The following NEFL variants were observed in gnomAD, a reference collection of about 807,000 sequenced individuals.
NEFL encodes the protein neurofilament light polypeptide.
Under a neutral mutation model 51.6 loss-of-function variants are expected in NEFL, and 36 were observed. That is an observed-to-expected ratio of 0.70 (90% CI 0.53 to 0.92). NEFL has a LOEUF of 0.92. Among genes scored for constraint, NEFL ranks in the 40% least tolerant of loss-of-function variants. The probability of loss-of-function intolerance (pLI) is 0.00; values close to 1 mark genes in which losing one functional copy is unlikely to be tolerated. For missense variants in NEFL, 671 were observed against 722.0 expected, an observed-to-expected ratio of 0.93 and a Z score of 0.81; for synonymous variants, 332 against 302.5, an observed-to-expected ratio of 1.10 and a Z score of -1.01.
In NEFL at chr8:24,953,569, C is replaced by A; in HGVS notation, c.1396G>T (p.Ala466Ser). The change falls in exon 3 of 4, where the codon GCC (alanine) becomes TCC (serine). Residue 466 changes from alanine to serine, a missense_variant. By Grantham distance (99) the Ala-to-Ser change is moderately conservative (BLOSUM62 1). Coordinates refer to ENST00000610854, the MANE Select transcript of NEFL (RefSeq NM_006158.5). ...ETIEAAKAEE[A>S]KDEPPSEGEA... The stretch of plus-strand genomic sequence containing the variant: ...CCTTCAGAGGGGGGCTCATCCTTGG[C>A]TTCCTCAGCCTTGGCAGCCTCAATG... The A allele has an allele frequency of 6.2e-7, 1 of 1,613,996 alleles. No homozygotes were observed. The highest frequency in any genetic ancestry group is 1.1e-5 in the South Asian group (1 of 91,070).
chr8:24,954,743 A>G (rs1298382280), intron 1 of NEFL, among the ~76,000 whole-genome samples: 1 of 152,100 alleles, frequency 6.6e-6, no homozygotes, highest in East Asian at 1.9e-4. Context: ...AATATTTCCT[A>G]TGTATCTAAA....
chr8:24,956,560 C>A lies in NEFL; in HGVS notation c.-45G>T. ...CCGGCCCGCGGCGGCGGTGGGAGCC[C>A]GGAGAGAGAGGACAGGGGAGAGAGG... On this transcript the variant is annotated 5_prime_UTR_variant, in exon 1 of 4. Transcript: ENST00000610854. The surrounding 1 kb of genome is among the most constrained non-coding windows in gnomAD (Gnocchi z 5.9). 6.5e-7 allele frequency: 1 copy of A among 1,533,476 alleles called. No homozygotes were observed. 95.0% of individuals were successfully genotyped at this position (1,533,476 alleles called of 1,614,324 possible). A position where few individuals can be genotyped will look rare whatever the true frequency, so the allele number is the denominator to read the frequency against.
At position 24,955,876 on chromosome 8, in the gene NEFL, C is replaced by T; in HGVS notation, c.640G>A (p.Asp214Asn). The change falls in exon 1 of 4, where the codon GAC (aspartate) becomes AAC (asparagine). Residue 214 changes from aspartate to asparagine, a missense_variant. Transcript: ENST00000610854. The surrounding 1 kb of genome is among the most constrained non-coding windows in gnomAD (Gnocchi z 4.0). The part of the protein sequence containing the change: ...LARAELEKRI[D>N]SLMDEISFLK... ...AAAGAGATTTCGTCCATCAAGCTGT[C>T]GATGCGCTTCTCGAGCTCGGCGCGA... 1 of 1,607,938 alleles carries T rather than the reference C, an allele frequency of 6.2e-7. No individual in the cohort carries two copies. The highest frequency in any genetic ancestry group is 8.5e-7 in the Non-Finnish European group (1 of 1,179,848).
chr8:24,955,026 T>A lies in NEFL; in HGVS notation c.1044+446A>T, dbSNP rs1407895089. On this transcript the variant is annotated intron_variant, in intron 1 of 3. Transcript: ENST00000610854. The surrounding 1 kb of genome is among the most constrained non-coding windows in gnomAD (Gnocchi z 4.0). ...CCTACTAAATAAAGGAAGGGAGTGG[T>A]TGGTAAAACTAGTCATAAAGCATGC... Among the ~76,000 whole-genome samples the A allele has an allele frequency of 6.6e-6, 1 of 152,186 alleles. No homozygotes were observed. Among genetic ancestry groups the A allele is most frequent in the Non-Finnish European group, 1.5e-5 (1 of 68,032 alleles).
chr8:24,955,171 C>G lies in NEFL; in HGVS notation c.1044+301G>C, dbSNP rs1803026799. On this transcript the variant is annotated intron_variant, in intron 1 of 3. Coordinates refer to ENST00000610854, the MANE Select transcript of NEFL (RefSeq NM_006158.5). This position sits in a 1 kb window ranked among gnomAD's most constrained non-coding sequence, Gnocchi z 4.0. The stretch of plus-strand genomic sequence containing the variant: ...TAATGCAGGTCAGTAGAGAGCTGAT[C>G]TCACTGCAGGCCGGAGGCAACGCCC... 1 of 488,284 alleles carries G rather than the reference C, an allele frequency of 2.0e-6. No homozygotes were observed. The highest frequency in any genetic ancestry group is 3.7e-6 in the Non-Finnish European group (1 of 273,684). The allele number at this position is 488,284 out of a possible 1,614,324, so 30.2% of individuals were successfully genotyped here.
In NEFL at chr8:24,953,605, C is replaced by G; in HGVS notation, c.1360G>C (p.Val454Leu). The G allele has an allele frequency of 6.2e-7, 1 of 1,614,028 alleles. No homozygotes were observed. The highest frequency in any genetic ancestry group is 8.5e-7 in the Non-Finnish European group (1 of 1,179,900). ...TTGGCAGCCTCAATGGTTTCCTCCA[C>G]TTCGATCTGCTCCTCTTGGACATGG... ...TSHVQEEQIEVEETIEAAKAE... is the reference protein window; with the variant it reads ...TSHVQEEQIELEETIEAAKAE... The change falls in exon 3 of 4, where the codon GTG (valine) becomes CTG (leucine). Residue 454 changes from valine (V) to leucine (L), a missense_variant. Coordinates refer to ENST00000610854, the MANE Select transcript of NEFL (RefSeq NM_006158.5).
chr8:24,956,036 G>T lies in NEFL; in HGVS notation c.480C>A (p.Leu160=), dbSNP rs749821351. 3.1e-6 allele frequency: 5 copies of T among 1,604,242 alleles called. No homozygotes were observed. The African/African-American group carries it at 6.7e-5, about 21-fold the overall frequency. ...CCTCCAGCCCTTCGCGCTCGCCCTG[G>T]AGCGCCTGCTTCTCGTTGGTGGCAT... ...AEDATNEKQA[L]QGEREGLEET... Residue 160 remains leucine, a synonymous_variant, in exon 1 of 4, where the codon CTC becomes CTA. Coordinates refer to ENST00000610854, the MANE Select transcript of NEFL (RefSeq NM_006158.5). The surrounding 1 kb of genome is among the most constrained non-coding windows in gnomAD (Gnocchi z 5.9).
chr8:24,954,453 T>C, intron 1 of NEFL, 148 bp from the exon 2 acceptor site: 1 of 959,924 alleles, frequency 1.0e-6, no homozygotes, highest in Non-Finnish European at 1.5e-6. Flanking sequence ...ACTTCCTGTA[T>C]CTTTTGAAAA....
At position 24,955,625 on chromosome 8, in the gene NEFL, G is replaced by A. The variant is rs376560820; in HGVS notation, c.891C>T (p.Ala297=). 3 of 1,613,718 alleles carry A rather than the reference G, an allele frequency of 1.9e-6. No individual in the cohort carries two copies. The highest frequency in any genetic ancestry group is 2.5e-6 in the Non-Finnish European group (3 of 1,179,876). Residue 297 remains alanine (A), a synonymous_variant, in exon 1 of 4, where the codon GCC becomes GCT. Transcript: ENST00000610854. The surrounding 1 kb of genome is among the most constrained non-coding windows in gnomAD (Gnocchi z 4.0). The part of the protein sequence containing the change: ...LTESAAKNTD[A]VRAAKDEVSE... ...ACACCTCGTCCTTGGCGGCGCGCACGGCGTCGGTGTTCTTGGCGGCGCTCT... is the reference window on the plus strand; with the variant it reads ...ACACCTCGTCCTTGGCGGCGCGCACAGCGTCGGTGTTCTTGGCGGCGCTCT...
intron 2 of NEFL, 182 bp downstream of exon 2, chr8:24,953,999 C>T (rs986040407): frequency 1.3e-5 from 15 of 1,173,490 alleles, no homozygotes; most frequent in Middle Eastern, 4.9e-4. Flanking sequence ...AAACAGGACT[C>T]CTAATTACAG....
In NEFL at chr8:24,955,445, C is replaced by A; in HGVS notation, c.1044+27G>T. The A allele has an allele frequency of 6.6e-7, 1 of 1,516,624 alleles. No individual in the cohort carries two copies. The allele number at this position is 1,516,624 out of a possible 1,614,324, so 93.9% of individuals were successfully genotyped here. On this transcript the variant is annotated intron_variant, in intron 1 of 3. Coordinates refer to ENST00000610854, the MANE Select transcript of NEFL (RefSeq NM_006158.5). This position sits in a 1 kb window ranked among gnomAD's most constrained non-coding sequence, Gnocchi z 4.0. Reference sequence around the variant, plus strand: ...TCCCCCCCTTGCTCGAGTCCCCCGCCCCCCTGTGTTTCTGGCCGTGCCGCA... The same window carrying A: ...TCCCCCCCTTGCTCGAGTCCCCCGCACCCCTGTGTTTCTGGCCGTGCCGCA...
chr8:24,955,703 C>T lies in NEFL; in HGVS notation c.813G>A (p.Lys271=). ...IRAQYEKLAA[K]NMQNAEEWFK... ...ACCATTCCTCAGCGTTCTGCATGTT[C>T]TTGGCGGCCAGCTTCTCGTACTGCG... The change falls in exon 1 of 4, where the codon AAG becomes AAA. Residue 271 remains lysine, a synonymous_variant. Coordinates refer to ENST00000610854, the MANE Select transcript of NEFL (RefSeq NM_006158.5). The surrounding 1 kb of genome is among the most constrained non-coding windows in gnomAD (Gnocchi z 4.0). The T allele has an allele frequency of 6.2e-7, 1 of 1,613,948 alleles. No individual in the cohort carries two copies. The highest frequency in any genetic ancestry group is 8.5e-7 in the Non-Finnish European group (1 of 1,179,898).
chr8:24,953,659 T>C lies in NEFL; in HGVS notation c.1306A>G (p.Thr436Ala). Residue 436 changes from threonine (T) to alanine (A), a missense_variant, in exon 3 of 4, where the codon ACC becomes GCC. Coordinates refer to ENST00000610854, the MANE Select transcript of NEFL (RefSeq NM_006158.5). ...GLQTSSYLMS[T>A]RSFPSYYTSH... The stretch of plus-strand genomic sequence containing the variant: ...GTGTAGTAGGACGGGAAGGAGCGGG[T>C]GGACATCAGATAGGAGCTGGTCTGT... 1 of 1,613,708 alleles carries C rather than the reference T, an allele frequency of 6.2e-7. No individual in the cohort carries two copies. The highest frequency in any genetic ancestry group is 8.5e-7 in the Non-Finnish European group (1 of 1,179,804).
chr8:24,954,045 G>A (rs1803007718), intron 2 of NEFL, 136 bp downstream of exon 2: 3 of 1,384,244 alleles, frequency 2.2e-6, no homozygotes, highest in African/African-American at 1.5e-5. Flanking sequence ...CCCTCTTCTT[G>A]GAAGAAGCCA....
chr8:24,953,764 T>A lies in NEFL; in HGVS notation c.1201A>T (p.Ser401Cys), dbSNP rs1259064251. Residue 401 changes from serine to cysteine, a missense_variant, in exon 3 of 4, where the codon AGT becomes TGT. Physicochemically the swap from Ser to Cys is moderately radical, Grantham distance 112. Coordinates refer to ENST00000610854, the MANE Select transcript of NEFL (RefSeq NM_006158.5). ...GTTATGCTTCCCACGCTGGTGAAAC[T>A]GAGTCGGGTCTCCTCGCCTTCCAAG... ...KLLEGEETRLSFTSVGSITSG... is the reference protein window; with the variant it reads ...KLLEGEETRLCFTSVGSITSG... The A allele has an allele frequency of 6.2e-7, 1 of 1,613,178 alleles. No individual in the cohort carries two copies. The highest frequency in any genetic ancestry group is 1.3e-5 in the African/African-American group (1 of 74,908).
At position 24,953,712 on chromosome 8, in the gene NEFL, A is replaced by G. The variant is rs1041829759; in HGVS notation, c.1253T>C (p.Val418Ala). 3 of 1,613,838 alleles carry G rather than the reference A, an allele frequency of 1.9e-6. No individual in the cohort carries two copies. The highest frequency in any genetic ancestry group is 2.7e-5 in the African/African-American group (2 of 74,916). The change falls in exon 3 of 4, where the codon GTC becomes GCC. Residue 418 changes from valine to alanine, a missense_variant. Physicochemically the swap from Val to Ala is moderately conservative, Grantham distance 64. Coordinates refer to ENST00000610854, the MANE Select transcript of NEFL (RefSeq NM_006158.5). ...ACCGCCGTAGGCAGATCGGCCAAAG[A>G]CCTGGGAGCTCTGGGAGTAGCCACT... is the stretch of plus-strand genomic sequence containing the variant. ...ITSGYSQSSQ[V>A]FGRSAYGGLQ...
At position 24,953,997 on chromosome 8, in the gene NEFL, C is replaced by T. The variant is rs931643382; in HGVS notation, c.1169+184G>A. On this transcript the variant is annotated intron_variant, in intron 2 of 3. Transcript: ENST00000610854. ...GTGTAATGACAAGATAAAAACAGGA[C>T]TCCTAATTACAGGGTTAAATTCTTA... 10 of 1,166,238 alleles carry T rather than the reference C, an allele frequency of 8.6e-6. No homozygotes were observed. In the African/African-American group the frequency reaches 1.1e-4, roughly 13 times the overall value. The allele number at this position is 1,166,238 out of a possible 1,614,324, so 72.2% of individuals were successfully genotyped here. A position where few individuals can be genotyped will look rare whatever the true frequency, so the allele number is the denominator to read the frequency against.
rs545914963 is a variant in NEFL at position 24,953,466 on chromosome 8, C to G, written c.1489+10G>C. The G allele has an allele frequency of 6.4e-7, 1 of 1,554,104 alleles. No homozygotes were observed. Among genetic ancestry groups the G allele is most frequent in the African/African-American group, 1.4e-5 (1 of 73,446 alleles). On this transcript the variant is annotated intron_variant, in intron 3 of 3. Coordinates refer to ENST00000610854, the MANE Select transcript of NEFL (RefSeq NM_006158.5). The stretch of plus-strand genomic sequence containing the variant: ...ACACTTGAAGTTGCAGGGGTTTTTT[C>G]TTATCATACCTTCTTCCTCTTCAGC...
In NEFL at chr8:24,955,234, T is replaced by G; in HGVS notation, c.1044+238A>C. ...TTCCCCTCCCCCACCCAACAAGGGCTGGGCAGCTTTAATGCGGAACGCCGG... is the reference window on the plus strand; with the variant it reads ...TTCCCCTCCCCCACCCAACAAGGGCGGGGCAGCTTTAATGCGGAACGCCGG... On this transcript the variant is annotated intron_variant, in intron 1 of 3. Coordinates refer to ENST00000610854, the MANE Select transcript of NEFL (RefSeq NM_006158.5). The surrounding 1 kb of genome is among the most constrained non-coding windows in gnomAD (Gnocchi z 4.0). 1 of 496,752 alleles carries G rather than the reference T, an allele frequency of 2.0e-6. No individual in the cohort carries two copies. The highest frequency in any genetic ancestry group is 3.5e-6 in the Non-Finnish European group (1 of 282,606). The allele number at this position is 496,752 out of a possible 1,614,324, so 30.8% of individuals were successfully genotyped here.
Sources: gnomAD v4.1 joint callset for allele counts (sites outside exome capture counted in the v4.1 genomes callset) on GRCh38, gnomAD v4.1.1 for gene constraint, Gnocchi (gnomAD v3.1) non-coding constraint, MANE v1.5 for transcripts, NCBI Gene and HGNC (gene_info 2026-07-23, HGNC 2026-07-21) for gene names.